Variants in PCYOX1 observed in about 807,000 individuals in gnomAD.
PCYOX1 encodes the protein prenylcysteine lyase.
PCYOX1 carries 46 observed loss-of-function variants against 46.4 expected under a neutral mutation model. That is an observed-to-expected ratio of 0.99 (90% confidence interval 0.78 to 1.27). The LOEUF is 1.27. PCYOX1 is among the 50% of genes most tolerant of loss of function. PCYOX1 has a pLI of 0.00. For synonymous variants in PCYOX1, 220 were observed against 231.8 expected, an observed-to-expected ratio of 0.95 and a Z score of 0.46; for missense variants, 658 against 628.3, an observed-to-expected ratio of 1.05 and a Z score of -0.51.
At chr2:70,259,136 G>A (rs1313969170) in intron 1 of PCYOX1, among the ~76,000 whole-genome samples, 1 of 152,128 alleles carries the variant, frequency 6.6e-6, no homozygotes, top group African/African-American at 2.4e-5. Context: ...AAAAAAAATC[G>A]AGTTAATGTC....
intron 3 of PCYOX1, among the ~76,000 whole-genome samples, chr2:70,271,808 G>T (rs1696604245): frequency 6.6e-6 from 1 of 152,050 alleles, no homozygotes; most frequent in Non-Finnish European, 1.5e-5. Flanking sequence ...CCACTTAAGG[G>T]TGTGAAAATT....
At position 70,276,840 on chromosome 2, in the gene PCYOX1, G is replaced by A. The variant is rs377606382; in HGVS notation, c.966G>A (p.Ser322=). ...LVATPLNRKM[S]NITFLNFDPP... ...CCACTCCGTTGAATCGAAAAATGTC[G>A]AATATTACTTTTCTCAACTTTGATC... is the stretch of plus-strand genomic sequence containing the variant. Residue 322 remains serine (S), a synonymous_variant, in exon 6 of 6, where the codon TCG becomes TCA. Coordinates refer to ENST00000433351, the MANE Select transcript of PCYOX1 (RefSeq NM_016297.4). 63 of 1,613,146 alleles carry A rather than the reference G, an allele frequency of 3.9e-5. No homozygotes were observed. The East Asian group carries it at 8.0e-4, about 21-fold the overall frequency.
chr2:70,271,134 C>T (rs1014828842), intron 3 of PCYOX1, among the ~76,000 whole-genome samples: 3 of 151,988 alleles, frequency 2.0e-5, no homozygotes, highest in Admixed American at 6.6e-5. Flanking sequence ...GTGGTGTGAT[C>T]ACAGCTCACT....
intron 5 of PCYOX1, among the ~76,000 whole-genome samples, chr2:70,276,176 C>T (rs1390368848): frequency 7.1e-6 from 1 of 141,326 alleles, no homozygotes; most frequent in African/African-American, 2.6e-5. Context: ...GAAAAATAAT[C>T]TTTTTTTTTT....
intron 3 of PCYOX1, among the ~76,000 whole-genome samples, chr2:70,262,054 G>A (rs1203579343): frequency 6.6e-6 from 1 of 152,130 alleles, no homozygotes; most frequent in Admixed American, 6.6e-5. Flanking sequence ...TTTAATGCGT[G>A]TGAATATGTA....
intron 3 of PCYOX1, among the ~76,000 whole-genome samples, chr2:70,272,645 A>G (rs1696617713): frequency 6.6e-6 from 1 of 152,146 alleles, no homozygotes; most frequent in Non-Finnish European, 1.5e-5. Context: ...CTACAGGTGC[A>G]TGCTGCCTCA....
chr2:70,270,885 G>A (rs572948289), intron 3 of PCYOX1, among the ~76,000 whole-genome samples: 4 of 151,582 alleles, frequency 2.6e-5, no homozygotes, highest in East Asian at 3.9e-4. Flanking sequence ...GCACCACTAC[G>A]CCCGGCTAAT....
At chr2:70,260,674 C>G (rs1696422883) in intron 2 of PCYOX1, among the ~76,000 whole-genome samples, 1 of 152,236 alleles carries the variant, frequency 6.6e-6, no homozygotes. Flanking sequence ...TCTGACAGGC[C>G]TCTGGAGGCC....
At chr2:70,264,290 G>C (rs575258006) in intron 3 of PCYOX1, among the ~76,000 whole-genome samples, 5 of 150,410 alleles carry the variant, frequency 3.3e-5, no homozygotes, top group Non-Finnish European at 7.4e-5. Context: ...TCTGTGGCTT[G>C]CTTGAGATGT....
chr2:70,260,580 C>T lies in PCYOX1; in HGVS notation c.320-632C>T, dbSNP rs541855657. Among the ~76,000 whole-genome samples, 11 of 152,294 alleles carry T rather than the reference C, an allele frequency of 7.2e-5. No homozygotes were observed. In the South Asian group the frequency reaches 2.3e-3, roughly 32 times the overall value. On this transcript the variant is annotated intron_variant, in intron 2 of 5. Transcript: ENST00000433351. ...CAACAAAACAAACTCCGTCACACAG[C>T]TGTGGATGCAGACACGTGCCTAGAA...
At chr2:70,263,603 G>A (rs948216587) in intron 3 of PCYOX1, among the ~76,000 whole-genome samples, 2 of 152,114 alleles carry the variant, frequency 1.3e-5, no homozygotes, top group Non-Finnish European at 1.5e-5. Flanking sequence ...TGCATACTCA[G>A]CAGGCAGATC....
intron 3 of PCYOX1, among the ~76,000 whole-genome samples, chr2:70,273,574 C>A (rs1377320464): frequency 6.6e-6 from 1 of 152,088 alleles, no homozygotes; most frequent in Non-Finnish European, 1.5e-5. Context: ...CTCTTAATTT[C>A]TTATTTTCAT....
chr2:70,258,320 C>A, intron 1 of PCYOX1, 44 bp downstream of exon 1: 1 of 1,334,696 alleles, frequency 7.5e-7, no homozygotes, highest in Non-Finnish European at 1.0e-6. Flanking sequence ...GGAGCGCGCC[C>A]CGCGCCGGGC....
chr2:70,272,730 G>T (rs2104898138), intron 3 of PCYOX1, among the ~76,000 whole-genome samples: 1 of 152,046 alleles, frequency 6.6e-6, no homozygotes, highest in Middle Eastern at 3.4e-3. Flanking sequence ...ATGGAGTCTT[G>T]CTCTGTCATC....
At chr2:70,275,362 G>C in intron 4 of PCYOX1, 152 bp from the exon 5 acceptor site, 1 of 853,528 alleles carries the variant, frequency 1.2e-6, no homozygotes, top group Non-Finnish European at 1.9e-6. Context: ...CATTAGTTCA[G>C]TAATTCTTAA....
chr2:70,272,872 A>G (rs1324844644), intron 3 of PCYOX1, among the ~76,000 whole-genome samples: 1 of 151,654 alleles, frequency 6.6e-6, no homozygotes, highest in Non-Finnish European at 1.5e-5. Context: ...TAATTTTTGT[A>G]TTTTTAGTAG....
chr2:70,265,247 G>A (rs1363333975), intron 3 of PCYOX1, among the ~76,000 whole-genome samples: 1 of 147,794 alleles, frequency 6.8e-6, no homozygotes, highest in Non-Finnish European at 1.5e-5. Context: ...CCGTCACCCA[G>A]GCTGGAGTAC....
chr2:70,258,953 C>A (rs984412801), intron 1 of PCYOX1, among the ~76,000 whole-genome samples: 8 of 152,124 alleles, frequency 5.3e-5, no homozygotes, highest in Non-Finnish European at 1.0e-4. Context: ...GTATCATTAA[C>A]CTATCTACAT....
chr2:70,259,234 C>T, intron 1 of PCYOX1, 126 bp from the exon 2 acceptor site: 1 of 808,632 alleles, frequency 1.2e-6, no homozygotes, highest in South Asian at 1.6e-5. Flanking sequence ...TGTCACTCTT[C>T]CCCCACCAAA....
Sources: allele counts gnomAD v4.1 joint callset (sites outside exome capture counted in the v4.1 genomes callset), GRCh38; gene constraint gnomAD v4.1.1; transcripts MANE v1.5; gene names NCBI Gene and HGNC (gene_info 2026-07-23, HGNC 2026-07-21).